The following LRWD1 variants were observed in gnomAD, a reference collection of about 807,000 sequenced individuals.
LRWD1 encodes the protein leucine-rich repeat and WD repeat-containing protein 1.
LRWD1 carries 76 observed loss-of-function variants against 75.6 expected under a neutral mutation model. The observed-to-expected ratio is 1.01, with a 90% CI of 0.84 to 1.22. The LOEUF (loss-of-function observed/expected upper bound fraction) is 1.22. Among genes scored for constraint, LRWD1 ranks in the 50% most tolerant of loss-of-function variants. LRWD1 has a pLI of 0.00. For missense variants in LRWD1, 917 were observed against 862.0 expected (o/e 1.06, Z -0.80); for synonymous variants, 487 against 377.0 (o/e 1.29, Z -3.38).
At position 102,467,406 on chromosome 7, in the gene LRWD1, C is replaced by T. The variant is rs375573347; in HGVS notation, c.500C>T (p.Ala167Val). The change falls in exon 4 of 15, where the codon GCG becomes GTG. Residue 167 changes from alanine (A) to valine (V), a missense_variant. Physicochemically the swap from Ala to Val is moderately conservative, Grantham distance 64. Transcript: ENST00000292616. ...GAAGAGGAGGCTGAGAAGGCCCAGG[C>T]GGACTTTGTGAAGTCGGCTGTCAGG... ...GPEEEAEKAQ[A>V]DFVKSAVRDV... 5.3e-5 allele frequency: 86 copies of T among 1,613,652 alleles called. No homozygotes were observed. Among genetic ancestry groups the T allele is most frequent in the Middle Eastern group, 3.3e-4 (2 of 6,078 alleles).
At chr7:102,469,128 A>C in intron 9 of LRWD1, 66 bp downstream of exon 9, 1 of 1,396,614 alleles carries the variant, frequency 7.2e-7, no homozygotes, top group Non-Finnish European at 9.7e-7. Context: ...AGTAGCCTCC[A>C]CGCTCCCCTC....
At chr7:102,467,233 C>A in intron 3 of LRWD1, 106 bp from the exon 4 acceptor site, 17 of 1,089,542 alleles carry the variant, frequency 1.6e-5, no homozygotes, top group Admixed American at 2.2e-5. Context: ...GGCTGTGATT[C>A]CAGGAGGCTT....
Position 102,473,058 on chromosome 7 carries a change from C to T in LRWD1, c.*9C>T, listed in dbSNP as rs1263148110. On this transcript the variant is annotated 3_prime_UTR_variant, in exon 15 of 15. Transcript: ENST00000292616. Reference sequence around the variant, plus strand: ...TCTGGGGGAGGATGTAGCCTCACACCATCGCAAAGGACCAGGGACACAGCT... The same window carrying T: ...TCTGGGGGAGGATGTAGCCTCACACTATCGCAAAGGACCAGGGACACAGCT... 3 of 1,608,504 alleles carry T rather than the reference C, an allele frequency of 1.9e-6. No individual in the cohort carries two copies. The East Asian group carries it at 6.7e-5, about 36-fold the overall frequency.
chr7:102,471,802 C>T (rs1358817596), intron 11 of LRWD1: 2 of 208,532 alleles, frequency 9.6e-6, no homozygotes, highest in Non-Finnish European at 2.0e-5. Context: ...GGGCCATGGC[C>T]CCCCATTCCC....
intron 3 of LRWD1, 33 bp downstream of exon 3, chr7:102,466,303 G>T: frequency 6.5e-7 from 1 of 1,533,352 alleles, no homozygotes; most frequent in Non-Finnish European, 9.0e-7. Context: ...GTGTGCTTAG[G>T]AGCTGTGGGG....
At position 102,468,603 on chromosome 7, in the gene LRWD1, AATTG is replaced by A; in HGVS notation, c.974_977del (p.Asp325AlafsTer25). The stretch of plus-strand genomic sequence containing the variant: ...CGTGCGGCGGGGAGGCTGTGTGCGT[AATTG>A]ATTGCCAGACGGGCATCGTGCTCCA... On this transcript the variant is annotated frameshift_variant, in exon 8 of 15. Coordinates refer to ENST00000292616, the MANE Select transcript of LRWD1 (RefSeq NM_152892.3). LOFTEE classifies it high-confidence loss of function. 6.3e-7 allele frequency: 1 copy of A among 1,578,616 alleles called. No individual in the cohort carries two copies. The highest frequency in any genetic ancestry group is 8.6e-7 in the Non-Finnish European group (1 of 1,162,180).
At position 102,469,447 on chromosome 7, in the gene LRWD1, C is replaced by G. The variant is rs1359891650; in HGVS notation, c.1229-127C>G. On this transcript the variant is annotated intron_variant, in intron 9 of 14. Coordinates refer to ENST00000292616, the MANE Select transcript of LRWD1 (RefSeq NM_152892.3). ...GCCCAGGAGTGTTCCTGTCTCCTAG[C>G]CTCGGCCCGCCCTCCCCGCCTCGGA... 2.8e-6 allele frequency: 3 copies of G among 1,060,258 alleles called. No individual in the cohort carries two copies. The East Asian group carries it at 7.2e-5, about 25-fold the overall frequency. 65.7% of individuals were successfully genotyped at this position (1,060,258 alleles called of 1,614,324 possible).
At chr7:102,467,073 GT>G (rs1333942502) in intron 3 of LRWD1, among the ~76,000 whole-genome samples, 35 of 30,764 alleles carry the variant, frequency 1.1e-3, no homozygotes, top group Non-Finnish European at 2.3e-3. Context: ...TGTTGCTGGT[GT>G]GTGTGTGTGT....
rs1179557588 is a variant in LRWD1 at position 102,468,586 on chromosome 7, G to A, written c.952G>A (p.Gly318Arg). 21 of 1,577,840 alleles carry A rather than the reference G, an allele frequency of 1.3e-5. No individual in the cohort carries two copies. Among genetic ancestry groups the A allele is most frequent in the Middle Eastern group, 1.7e-4 (1 of 6,026 alleles). The change falls in exon 8 of 15, where the codon GGG becomes AGG. Residue 318 changes from glycine to arginine, a missense_variant. Physicochemically the swap from Gly to Arg is moderately radical, Grantham distance 125. Coordinates refer to ENST00000292616, the MANE Select transcript of LRWD1 (RefSeq NM_152892.3). ...ATCCCAGACCGTGGCCACGTGCGGC[G>A]GGGAGGCTGTGTGCGTAATTGATTG... ...ATSQTVATCG[G>R]EAVCVIDCQT...
rs529149845 is a variant in LRWD1 at position 102,467,947 on chromosome 7, T to G, written c.679-115T>G. ...CCCAGGTCCTGGCTCACTCCCTAGG[T>G]GACCCCGGGCCAGCCTGGGCCTCCT... On this transcript the variant is annotated intron_variant, in intron 5 of 14. Transcript: ENST00000292616. 1.7e-4 allele frequency: 250 copies of G among 1,507,684 alleles called. 1 individual carries two copies. The African/African-American group carries it at 3.2e-3, about 19-fold the overall frequency. The allele number at this position is 1,507,684 out of a possible 1,614,324, so 93.4% of individuals were successfully genotyped here. A position where few individuals can be genotyped will look rare whatever the true frequency, so the allele number is the denominator to read the frequency against.
In LRWD1 at chr7:102,466,093, A is replaced by G. The variant is rs747243166; in HGVS notation, c.315+42A>G. 9.3e-6 allele frequency: 15 copies of G among 1,612,678 alleles called. No homozygotes were observed. The African/African-American group carries it at 1.9e-4, about 20-fold the overall frequency. On this transcript the variant is annotated intron_variant, in intron 2 of 14. Transcript: ENST00000292616. ...CACCAGCTTCATACCTGGGGCCAGG[A>G]CTCTGTTGGGCTCAGGCTCAGCATC...
chr7:102,469,455 C>A, intron 9 of LRWD1, 119 bp from the exon 10 acceptor site: 1 of 1,158,514 alleles, frequency 8.6e-7, no homozygotes, highest in South Asian at 1.4e-5. Flanking sequence ...AGCCTCGGCC[C>A]GCCCTCCCCG....
At position 102,468,268 on chromosome 7, in the gene LRWD1, T is replaced by G. The variant is rs759026491; in HGVS notation, c.810T>G (p.Ala270=). 19 of 1,607,822 alleles carry G rather than the reference T, an allele frequency of 1.2e-5. No individual in the cohort carries two copies. Among genetic ancestry groups the G allele is most frequent in the Non-Finnish European group, 1.4e-5 (17 of 1,177,798 alleles). The change falls in exon 7 of 15, where the codon GCT becomes GCG. Residue 270 remains alanine, a synonymous_variant. Transcript: ENST00000292616. Reference sequence around the variant, plus strand: ...ACCCTTCTCTCCCCCCACAGCCTGCTGTGAAGCTGGAGCCCCTGCACTTCC... The same window carrying G: ...ACCCTTCTCTCCCCCCACAGCCTGCGGTGAAGCTGGAGCCCCTGCACTTCC... ...PVAGSDGSQP[A]VKLEPLHFLQ... is the part of the protein sequence containing the mutation.
Position 102,472,917 on chromosome 7 carries a change from G to T in LRWD1, c.1812G>T (p.Lys604Asn). ...AALQAPTQIL[K>N]WPQPWALGQV... is the part of the protein sequence containing the mutation. ...CCCTCTCTCCCCACCAGATCCTGAA[G>T]TGGCCCCAGCCCTGGGCCCTTGGCC... Residue 604 changes from lysine (K) to asparagine (N), a missense_variant, in exon 15 of 15, where the codon AAG (lysine) becomes AAT (asparagine). Lys to Asn is a moderately conservative substitution (Grantham distance 94). Coordinates refer to ENST00000292616, the MANE Select transcript of LRWD1 (RefSeq NM_152892.3). 2 of 1,613,494 alleles carry T rather than the reference G, an allele frequency of 1.2e-6. No individual in the cohort carries two copies. Among genetic ancestry groups the T allele is most frequent in the Non-Finnish European group, 1.7e-6 (2 of 1,179,592 alleles).
chr7:102,467,163 G>A (rs1798019802), intron 3 of LRWD1, among the ~76,000 whole-genome samples, 176 bp from the exon 4 acceptor site: 1 of 15,636 alleles, frequency 6.4e-5, no homozygotes, highest in African/African-American at 1.6e-4. Context: ...TTGCTGGGGT[G>A]TGTGTGGGGT....
At chr7:102,465,754 G>A (rs3823658) in intron 1 of LRWD1, 63 bp from the exon 2 acceptor site, 159,846 of 1,227,740 alleles carry the variant, frequency 0.13, 11,503 homozygotes, top group South Asian at 0.22. Flanking sequence ...TGAGGTACCC[G>A]GGGCAGATTG....
Position 102,468,244 on chromosome 7 carries a change from C to T in LRWD1, c.805-19C>T. 1.2e-6 allele frequency: 2 copies of T among 1,601,928 alleles called. No individual in the cohort carries two copies. Among genetic ancestry groups the T allele is most frequent in the Non-Finnish European group, 1.7e-6 (2 of 1,175,240 alleles). On this transcript the variant is annotated intron_variant, in intron 6 of 14. Transcript: ENST00000292616. ...ATGAGTCGGGGCTGGGCAGCTGTGA[C>T]CCTTCTCTCCCCCCACAGCCTGCTG...
At chr7:102,472,430 A>G (rs1318907310) in intron 12 of LRWD1, 24 bp from the exon 13 acceptor site, 1 of 1,541,210 alleles carries the variant, frequency 6.5e-7, no homozygotes, top group Non-Finnish European at 8.8e-7. Context: ...GCCACCCTGC[A>G]CAGCTCTCCC....
At chr7:102,466,542 G>A (rs1216886197) in intron 3 of LRWD1, among the ~76,000 whole-genome samples, 6 of 152,062 alleles carry the variant, frequency 3.9e-5, no homozygotes, top group African/African-American at 1.4e-4. Flanking sequence ...AGCCTCCCGA[G>A]TAACTAGGAT....
Sources: allele counts gnomAD v4.1 joint callset (sites outside exome capture counted in the v4.1 genomes callset), GRCh38; gene constraint gnomAD v4.1.1; transcripts MANE v1.5; gene names NCBI Gene and HGNC (gene_info 2026-07-23, HGNC 2026-07-21).